Variants in SDK1 observed in about 807,000 individuals in gnomAD.
SDK1 encodes the protein sidekick cell adhesion molecule 1.
Under a neutral mutation model 245.5 loss-of-function variants are expected in SDK1, and 157 were observed. That is an observed-to-expected ratio of 0.64 (90% CI 0.56 to 0.73). The LOEUF (loss-of-function observed/expected upper bound fraction) is 0.73. SDK1 is among the 30% of genes least tolerant of loss of function. The pLI is 0.00. For synonymous variants in SDK1, 1,647 were observed against 1,278.5 expected (o/e 1.29, Z -6.15); for missense variants, 3,583 against 3,002.3 (o/e 1.19, Z -4.52).
intron 4 of SDK1, among the ~76,000 whole-genome samples, chr7:3,792,271 A>G (rs1292383777): frequency 6.6e-6 from 1 of 152,116 alleles, no homozygotes; most frequent in East Asian, 1.9e-4. Context: ...GCCTGAGGCC[A>G]TGGGTCCTGA....
intron 5 of SDK1, among the ~76,000 whole-genome samples, chr7:3,903,148 TG>T (rs1267074479): frequency 3.5e-4 from 45 of 129,338 alleles, no homozygotes; most frequent in African/African-American, 1.3e-3. Flanking sequence ...TTTTTTGTTT[TG>T]TTTTTTTTTT....
chr7:3,608,851 A>G (rs1202229), intron 1 of SDK1, among the ~76,000 whole-genome samples: 7 of 152,076 alleles, frequency 4.6e-5, no homozygotes, highest in Admixed American at 3.9e-4. Flanking sequence ...TATTAACAAA[A>G]ATATTCACAG....
At chr7:4,188,323 A>G (rs372134959) in intron 35 of SDK1, among the ~76,000 whole-genome samples, 12 of 152,312 alleles carry the variant, frequency 7.9e-5, no homozygotes, top group African/African-American at 2.9e-4. Flanking sequence ...ATGGGCATTT[A>G]CAAGAAATAG....
chr7:4,128,537 C>T (rs963796433), intron 26 of SDK1, among the ~76,000 whole-genome samples: 5 of 152,198 alleles, frequency 3.3e-5, no homozygotes, highest in Non-Finnish European at 2.9e-5. Flanking sequence ...AGCAGGAGGC[C>T]CTGGAGCAGA....
chr7:3,665,170 A>T (rs1355912431), intron 4 of SDK1, among the ~76,000 whole-genome samples: 1 of 152,152 alleles, frequency 6.6e-6, no homozygotes, highest in African/African-American at 2.4e-5. Flanking sequence ...CCAGGTGTGA[A>T]TGCCCTCTGT....
intron 5 of SDK1, among the ~76,000 whole-genome samples, chr7:3,835,337 G>A (rs897959000): frequency 2.6e-5 from 4 of 152,138 alleles, no homozygotes; most frequent in African/African-American, 2.4e-5. Flanking sequence ...GGTTGCGGGC[G>A]TCCCTCTTTG....
intron 23 of SDK1, 145 bp from the exon 24 acceptor site, chr7:4,113,144 G>A: frequency 1.2e-6 from 1 of 857,168 alleles, no homozygotes; most frequent in South Asian, 1.7e-5. Context: ...GGTGAAAAGA[G>A]GGTGTCCTTG....
chr7:3,703,612 A>G (rs1022542928), intron 4 of SDK1, among the ~76,000 whole-genome samples: 11 of 152,134 alleles, frequency 7.2e-5, no homozygotes, highest in Non-Finnish European at 1.3e-4. Flanking sequence ...CAATTTCCTG[A>G]TTTTTCAATG....
intron 4 of SDK1, among the ~76,000 whole-genome samples, chr7:3,818,471 T>C (rs1779563428): frequency 6.6e-6 from 1 of 152,224 alleles, no homozygotes; most frequent in Non-Finnish European, 1.5e-5. Flanking sequence ...AAATGGCCTG[T>C]AATTGTACCA....
intron 4 of SDK1, among the ~76,000 whole-genome samples, chr7:3,735,042 T>C (rs1379309048): frequency 6.6e-6 from 1 of 152,098 alleles, no homozygotes; most frequent in African/African-American, 2.4e-5. Context: ...TCCCTCAAGC[T>C]AGTGGAGAAT....
At position 4,265,242 on chromosome 7, in the gene SDK1, C is replaced by A. The variant is rs752023069; in HGVS notation, c.6500C>A (p.Pro2167Gln). The A allele has an allele frequency of 1.2e-6, 2 of 1,606,440 alleles. No individual in the cohort carries two copies. Among genetic ancestry groups the A allele is most frequent in the Non-Finnish European group, 1.7e-6 (2 of 1,179,100 alleles). ...AGGGCCCAGGGCCGCGCACCTGCGCCGCACAGGTACGAGGCGGTGGCGGGC... is the reference window on the plus strand; with the variant it reads ...AGGGCCCAGGGCCGCGCACCTGCGCAGCACAGGTACGAGGCGGTGGCGGGC... ...KRRAQGRAPA[P>Q]HRYEAVAGSE... Residue 2167 changes from proline (P) to glutamine (Q), a missense_variant, in exon 45 of 45, where the codon CCG (proline) becomes CAG (glutamine). Coordinates refer to ENST00000404826, the MANE Select transcript of SDK1 (RefSeq NM_152744.4).
intron 16 of SDK1, among the ~76,000 whole-genome samples, chr7:4,015,758 C>G (rs1269501060): frequency 6.6e-6 from 1 of 152,214 alleles, no homozygotes; most frequent in African/African-American, 2.4e-5. Flanking sequence ...ACCAGGCAAG[C>G]CCAGAGGCCA....
chr7:4,155,159 C>T (rs1460071749), intron 30 of SDK1, among the ~76,000 whole-genome samples: 2 of 151,996 alleles, frequency 1.3e-5, no homozygotes, highest in Non-Finnish European at 2.9e-5. Context: ...CTGCTCCCAT[C>T]GGCTGCCTGC....
intron 5 of SDK1, among the ~76,000 whole-genome samples, chr7:3,936,105 G>A (rs1389652765): frequency 6.6e-6 from 1 of 152,146 alleles, no homozygotes; most frequent in African/African-American, 2.4e-5. Context: ...TGAACCTTGG[G>A]GATGTTATGG....
At chr7:3,404,349 A>G (rs1778996730) in intron 1 of SDK1, among the ~76,000 whole-genome samples, 1 of 152,130 alleles carries the variant, frequency 6.6e-6, no homozygotes, top group Non-Finnish European at 1.5e-5. Flanking sequence ...CTTCCGGTGT[A>G]TGGCTTTGTC....
At chr7:4,185,784 T>C (rs1374675450) in intron 35 of SDK1, among the ~76,000 whole-genome samples, 2 of 139,454 alleles carry the variant, frequency 1.4e-5, no homozygotes, top group African/African-American at 2.7e-5. Flanking sequence ...GGCCAGAACA[T>C]AGAAAACATT....
intron 14 of SDK1, among the ~76,000 whole-genome samples, chr7:4,005,823 G>A (rs973520826): frequency 6.6e-6 from 1 of 152,178 alleles, no homozygotes; most frequent in African/African-American, 2.4e-5. Flanking sequence ...TTGAGTCCAG[G>A]TGTTCAAGAC....
chr7:3,708,004 TTTA>T (rs1784940668), intron 4 of SDK1, among the ~76,000 whole-genome samples: 1 of 152,170 alleles, frequency 6.6e-6, no homozygotes, highest in African/African-American at 2.4e-5. Flanking sequence ...TTTATTTTTT[TTTA>T]AAAAGAGGTT....
At chr7:3,613,192 C>T (rs1000725543) in intron 1 of SDK1, among the ~76,000 whole-genome samples, 3 of 152,112 alleles carry the variant, frequency 2.0e-5, no homozygotes, top group Admixed American at 1.3e-4. Context: ...CATCGCAAGA[C>T]CCCCTTTCTT....
Sources: gnomAD v4.1 joint callset for allele counts (sites outside exome capture counted in the v4.1 genomes callset) on GRCh38, gnomAD v4.1.1 for gene constraint, MANE v1.5 for transcripts, NCBI Gene and HGNC (gene_info 2026-07-23, HGNC 2026-07-21) for gene names.